MAPKAPK5: variants seen among roughly 807,000 people sequenced by gnomAD.
MAPKAPK5 encodes the protein MAP kinase-activated protein kinase 5.
Under a neutral mutation model 65.1 loss-of-function variants are expected in MAPKAPK5, and 30 were observed. The observed-to-expected ratio is 0.46, with a 90% CI of 0.34 to 0.63. The LOEUF is 0.63. Among genes scored for constraint, MAPKAPK5 ranks in the 20% least tolerant of loss-of-function variants. The pLI, the probability that MAPKAPK5 is intolerant of heterozygous loss-of-function variation, is 0.01. For synonymous variants in MAPKAPK5, 179 were observed against 204.6 expected (o/e 0.87, Z 1.07); for missense variants, 433 against 581.4 (o/e 0.74, Z 2.63).
In MAPKAPK5 at chr12:111,900,668, G is replaced by A. The variant is rs1363048140; in HGVS notation, c.*7607G>A. 6 of 455,976 alleles carry A rather than the reference G, an allele frequency of 1.3e-5. No homozygotes were observed. The highest frequency in any genetic ancestry group is 7.0e-5 in the Admixed American group (3 of 42,564). 28.2% of individuals were successfully genotyped at this position (455,976 alleles called of 1,614,324 possible). On this transcript the variant is annotated 3_prime_UTR_variant, in exon 14 of 14. Transcript: ENST00000550735. Reference sequence around the variant, plus strand: ...GTGATGAAAACTGTATACTGAAGGCGAAAGCAGAGTGCAGTGATGGTCCAT... The same window carrying A: ...GTGATGAAAACTGTATACTGAAGGCAAAAGCAGAGTGCAGTGATGGTCCAT...
At chr12:111,857,881 GT>G (rs372214089) in intron 1 of MAPKAPK5, among the ~76,000 whole-genome samples, 8 of 150,566 alleles carry the variant, frequency 5.3e-5, no homozygotes, top group African/African-American at 1.5e-4. Flanking sequence ...CTCTTTCAGT[GT>G]TTTTTTTTGT....
chr12:111,858,150 A>G (rs1490995250), intron 1 of MAPKAPK5, among the ~76,000 whole-genome samples: 1 of 151,722 alleles, frequency 6.6e-6, no homozygotes, highest in Non-Finnish European at 1.5e-5. Context: ...AGTGATCCTC[A>G]CCCTGCAGCC....
chr12:111,859,629 TTTC>T (rs2069361176), intron 1 of MAPKAPK5, among the ~76,000 whole-genome samples: 3 of 143,592 alleles, frequency 2.1e-5, no homozygotes, highest in African/African-American at 8.0e-5. Flanking sequence ...CACTTCTTTT[TTTC>T]TTTTCTTTTC....
intron 1 of MAPKAPK5, among the ~76,000 whole-genome samples, chr12:111,845,779 C>T (rs1208085397): frequency 2.0e-5 from 3 of 151,964 alleles, no homozygotes; most frequent in African/African-American, 4.8e-5. Context: ...AAAAATTAGC[C>T]GAGTGTGGTG....
rs746682798 is a variant in MAPKAPK5, at chr12:111,883,696, T to C, written c.776T>C (p.Met259Thr). The change falls in exon 9 of 14, where the codon ATG becomes ACG. Residue 259 changes from methionine to threonine, a missense_variant. Around this residue, in one of 3 missense-constraint regions of MAPKAPK5, gnomAD observed 99 missense variants for 185.8 expected, o/e 0.53. Transcript: ENST00000550735. This position sits in a 1 kb window ranked among gnomAD's most constrained non-coding sequence, Gnocchi z 4.8. ...CCAAAGGATATGCGAAGAAAGATCA[T>C]GACAGGCAGTTTTGAGTTCCCAGAG... ...TIPKDMRRKI[M>T]TGSFEFPEEE... 1 of 1,613,994 alleles carries C rather than the reference T, an allele frequency of 6.2e-7. No homozygotes were observed. Among genetic ancestry groups the C allele is most frequent in the East Asian group, 2.2e-5 (1 of 44,876 alleles).
intron 1 of MAPKAPK5, among the ~76,000 whole-genome samples, chr12:111,855,611 G>A (rs1026211983): frequency 3.3e-5 from 5 of 151,996 alleles, no homozygotes; most frequent in African/African-American, 1.2e-4. Context: ...GGCGGATCAC[G>A]AGGTCAGGAG....
In MAPKAPK5 at chr12:111,885,980, A is replaced by T; in HGVS notation, c.913A>T (p.Asn305Tyr). The T allele has an allele frequency of 6.2e-7, 1 of 1,613,994 alleles. No homozygotes were observed. The highest frequency in any genetic ancestry group is 8.5e-7 in the Non-Finnish European group (1 of 1,179,878). Residue 305 changes from asparagine (N) to tyrosine (Y), a missense_variant, in exon 10 of 14, where the codon AAT becomes TAT. Asn to Tyr is a moderately radical substitution (Grantham distance 143). This residue lies in a region of MAPKAPK5 where 169 missense variants were observed against 215.6 expected (regional missense o/e 0.78). Transcript: ENST00000550735. The stretch of plus-strand genomic sequence containing the variant: ...GGGAGTGCTGGACCACCCCTGGCTC[A>T]ATTCCACCGAGGCCCTGGATAATGT... The part of the protein sequence containing the change: ...IEGVLDHPWL[N>Y]STEALDNVLP...
intron 1 of MAPKAPK5, among the ~76,000 whole-genome samples, chr12:111,864,325 C>T (rs1213579264): frequency 6.6e-6 from 1 of 151,984 alleles, no homozygotes; most frequent in East Asian, 1.9e-4. Flanking sequence ...CTCAGCCTCC[C>T]GAGTAGCTGG....
chr12:111,863,980 A>G (rs2069523987), intron 1 of MAPKAPK5, among the ~76,000 whole-genome samples: 1 of 152,136 alleles, frequency 6.6e-6, no homozygotes, highest in Admixed American at 6.5e-5. Context: ...ATTTTAGACT[A>G]TCACAATTTA....
At chr12:111,843,435 C>CTT (rs200989666) in intron 1 of MAPKAPK5, 92 of 334,576 alleles carry the variant, frequency 2.7e-4, no homozygotes, top group Middle Eastern at 1.6e-3. Context: ...CTGTTTTTAA[C>CTT]TTTTTTTTTT....
chr12:111,874,807 C>T (rs2069907579), intron 7 of MAPKAPK5, among the ~76,000 whole-genome samples: 1 of 138,014 alleles, frequency 7.2e-6, no homozygotes, highest in South Asian at 2.3e-4. Context: ...TGGAGGCTTG[C>T]TCTGTTGCCC....
At chr12:111,876,951 T>C (rs983041576) in intron 7 of MAPKAPK5, among the ~76,000 whole-genome samples, 17 of 152,314 alleles carry the variant, frequency 1.1e-4, no homozygotes, top group African/African-American at 3.8e-4. Flanking sequence ...ACACTTGTTA[T>C]CTTTTATCTT....
chr12:111,888,346 T>A, intron 10 of MAPKAPK5, 142 bp from the exon 11 acceptor site: 1 of 1,226,446 alleles, frequency 8.2e-7, no homozygotes, highest in Non-Finnish European at 1.1e-6. Context: ...GTCCTTTGCC[T>A]TATCAAAATA....
chr12:111,870,391 C>A, intron 6 of MAPKAPK5, 31 bp downstream of exon 6: 2 of 1,554,434 alleles, frequency 1.3e-6, no homozygotes, highest in Non-Finnish European at 1.8e-6. Flanking sequence ...CATTTTAGTG[C>A]TGCAACTCTT....
Position 111,883,943 on chromosome 12 carries a change from C to T in MAPKAPK5, c.848+175C>T, listed in dbSNP as rs992402350. On this transcript the variant is annotated intron_variant, in intron 9 of 13. Transcript: ENST00000550735. This position sits in a 1 kb window ranked among gnomAD's most constrained non-coding sequence, Gnocchi z 4.8. The stretch of plus-strand genomic sequence containing the variant: ...TGTTCTCAGTGTCCACACCTTGGTG[C>T]GAATGAAGCTTTCCTCCCTCCTGTT... 1.3e-5 allele frequency among the ~76,000 whole-genome samples: 2 copies of T among 152,182 alleles called. No individual in the cohort carries two copies. Among genetic ancestry groups the T allele is most frequent in the African/African-American group, 2.4e-5 (1 of 41,436 alleles).
At chr12:111,852,088 A>G (rs2069103866) in intron 1 of MAPKAPK5, among the ~76,000 whole-genome samples, 1 of 152,242 alleles carries the variant, frequency 6.6e-6, no homozygotes, top group Non-Finnish European at 1.5e-5. Flanking sequence ...CCAATTATTC[A>G]AGACTTCCTT....
chr12:111,870,427 T>G (rs2069746598), intron 6 of MAPKAPK5, 67 bp downstream of exon 6: 1 of 1,298,368 alleles, frequency 7.7e-7, no homozygotes, highest in Admixed American at 1.8e-5. Context: ...TGGGTGTGTT[T>G]GGAGCGCTCT....
chr12:111,865,094 A>G (rs1470094476), intron 1 of MAPKAPK5, among the ~76,000 whole-genome samples, 156 bp from the exon 2 acceptor site: 1 of 152,218 alleles, frequency 6.6e-6, no homozygotes, highest in African/African-American at 2.4e-5. Context: ...TTTAGACAAA[A>G]TGTCATAAAG....
At chr12:111,865,374 C>T (rs1593147667) in intron 2 of MAPKAPK5, 51 bp downstream of exon 2, 1 of 1,231,750 alleles carries the variant, frequency 8.1e-7, no homozygotes, top group South Asian at 1.3e-5. Context: ...TGTGCAAACT[C>T]TGAGAAGGGC....
Sources: gnomAD v4.1 joint callset for allele counts (sites outside exome capture counted in the v4.1 genomes callset) on GRCh38, gnomAD v4.1.1 for gene constraint, gnomAD v4.1.1 regional missense constraint, Gnocchi (gnomAD v3.1) non-coding constraint, MANE v1.5 for transcripts, NCBI Gene and HGNC (gene_info 2026-07-23, HGNC 2026-07-21) for gene names.